Variants in HDAC2 observed in about 807,000 individuals in gnomAD.
HDAC2 encodes YY1-associated factor 1.
Under a neutral mutation model 68.5 loss-of-function variants are expected in HDAC2, and 5 were observed. The ratio of observed to expected loss-of-function variants is 0.07; its 90% confidence interval spans 0.04 to 0.15. The LOEUF (loss-of-function observed/expected upper bound fraction) is 0.15, where lower values mean the gene tolerates loss of function less well. HDAC2 is among the 10% of genes least tolerant of loss of function. The pLI, the probability that HDAC2 is intolerant of heterozygous loss-of-function variation, is 1.00. For missense variants in HDAC2, 291 were observed against 600.8 expected (o/e 0.48, Z 5.39); for synonymous variants, 182 against 191.3 (o/e 0.95, Z 0.40).
At position 113,971,030 on chromosome 6, in the gene HDAC2, G is replaced by A; in HGVS notation, c.-122C>T. 1 of 1,574,880 alleles carries A rather than the reference G, an allele frequency of 6.3e-7. No homozygotes were observed. The highest frequency in any genetic ancestry group is 1.2e-5 in the South Asian group (1 of 86,902). On this transcript the variant is annotated 5_prime_UTR_variant, in exon 1 of 14. Transcript: ENST00000519065. ...GGAAACGTGGGGGCGATAGTCCCGCGGGGAAGGGCAGGCCGGTGGGAGGAG... is the reference window on the plus strand; with the variant it reads ...GGAAACGTGGGGGCGATAGTCCCGCAGGGAAGGGCAGGCCGGTGGGAGGAG...
At chr6:113,961,579 T>C (rs1357493167) in intron 1 of HDAC2, among the ~76,000 whole-genome samples, 2 of 152,176 alleles carry the variant, frequency 1.3e-5, no homozygotes, top group African/African-American at 4.8e-5. Context: ...GAGGCTATGA[T>C]TGCAGAAAAT....
chr6:113,936,296 C>T lies in HDAC2; in HGVS notation c.*4762G>A, dbSNP rs1775995906. On this transcript the variant is annotated 3_prime_UTR_variant, in exon 14 of 14. Coordinates refer to ENST00000519065, the MANE Select transcript of HDAC2 (RefSeq NM_001527.4). ...AAAAAAATTTTAAATGCAGTATCTGCCATCTTGTGGTACAGTGAGGAAATG... is the reference window on the plus strand; with the variant it reads ...AAAAAAATTTTAAATGCAGTATCTGTCATCTTGTGGTACAGTGAGGAAATG... 6.6e-6 allele frequency: 1 copy of T among 152,072 alleles called. No individual in the cohort carries two copies. The highest frequency in any genetic ancestry group is 2.4e-5 in the African/African-American group (1 of 41,392). 9.4% of individuals were successfully genotyped at this position (152,072 alleles called of 1,614,324 possible).
At chr6:113,968,384 C>A (rs530709293) in intron 1 of HDAC2, 13 of 152,014 alleles carry the variant, frequency 8.6e-5, no homozygotes, top group African/African-American at 3.1e-4. Flanking sequence ...TCTCTTCTCA[C>A]AATAAAAAAA....
At chr6:113,964,790 G>A (rs1173859379) in intron 1 of HDAC2, among the ~76,000 whole-genome samples, 1 of 152,146 alleles carries the variant, frequency 6.6e-6, no homozygotes, top group East Asian at 1.9e-4. Context: ...AATATAAGAT[G>A]TTCAAAACAG....
At chr6:113,949,541 A>G (rs1267141779) in intron 6 of HDAC2, among the ~76,000 whole-genome samples, 1 of 136,394 alleles carries the variant, frequency 7.3e-6, no homozygotes, top group African/African-American at 2.7e-5. Context: ...AACACAAGTT[A>G]AAGGCAATGA....
intron 1 of HDAC2, among the ~76,000 whole-genome samples, chr6:113,969,449 G>A (rs565212719): frequency 6.6e-6 from 1 of 152,258 alleles, no homozygotes; most frequent in Non-Finnish European, 1.5e-5. Context: ...GGTGCTCTGG[G>A]GTCTTACTTC....
chr6:113,943,942 TAA>T (rs1776205556), intron 11 of HDAC2, among the ~76,000 whole-genome samples: 1 of 152,218 alleles, frequency 6.6e-6, no homozygotes, highest in South Asian at 2.1e-4. Flanking sequence ...ACCATCACAT[TAA>T]GTGTAATGAG....
At chr6:113,945,217 A>G in intron 10 of HDAC2, 145 bp downstream of exon 10, 2 of 422,850 alleles carry the variant, frequency 4.7e-6, no homozygotes, top group Admixed American at 4.3e-5. Flanking sequence ...AAAAAAGAAT[A>G]ATCAGTAACT....
In HDAC2 at chr6:113,940,994, GA is replaced by G; in HGVS notation, c.*63del. ...AAATGAAGCCAGAAGTCTTCAAAAA[GA>G]AAACATTTTCCTTTCAATATTTTCT... On this transcript the variant is annotated 3_prime_UTR_variant, in exon 14 of 14. Coordinates refer to ENST00000519065, the MANE Select transcript of HDAC2 (RefSeq NM_001527.4). 7.5e-7 allele frequency: 1 copy of G among 1,325,026 alleles called. No homozygotes were observed. Among genetic ancestry groups the G allele is most frequent in the East Asian group, 2.3e-5 (1 of 42,706 alleles). 82.1% of individuals were successfully genotyped at this position (1,325,026 alleles called of 1,614,324 possible).
intron 1 of HDAC2, 187 bp downstream of exon 1, chr6:113,970,670 C>T: frequency 7.4e-7 from 1 of 1,352,210 alleles, no homozygotes; most frequent in South Asian, 1.8e-5. Flanking sequence ...CCCGCAGGAA[C>T]CGCGGGGGCT....
intron 1 of HDAC2, among the ~76,000 whole-genome samples, chr6:113,963,573 C>G (rs903920991): frequency 6.6e-6 from 1 of 152,162 alleles, no homozygotes; most frequent in African/African-American, 2.4e-5. Context: ...CTGTTTTGAG[C>G]ACCAACTTAA....
rs1775945770 is a variant in HDAC2, at chr6:113,933,963, GGTCTCT to G, written c.*7089_*7094del. 1 of 151,482 alleles carries G rather than the reference GGTCTCT, an allele frequency of 6.6e-6. No individual in the cohort carries two copies. Among genetic ancestry groups the G allele is most frequent in the African/African-American group, 2.4e-5 (1 of 41,162 alleles). 9.4% of individuals were successfully genotyped at this position (151,482 alleles called of 1,614,324 possible). A position where few individuals can be genotyped will look rare whatever the true frequency, so the allele number is the denominator to read the frequency against. ...CTGAACGCTGATGCAGGGAAACTCT[GGTCTCT>G]GACTTTGATTTTTTTTTAATAGTAA... On this transcript the variant is annotated 3_prime_UTR_variant, in exon 14 of 14. Coordinates refer to ENST00000519065, the MANE Select transcript of HDAC2 (RefSeq NM_001527.4).
chr6:113,933,758 T>C lies in HDAC2; in HGVS notation c.*7300A>G, dbSNP rs920914735. 6.6e-6 allele frequency: 1 copy of C among 151,910 alleles called. No homozygotes were observed. The highest frequency in any genetic ancestry group is 1.5e-5 in the Non-Finnish European group (1 of 67,984). 9.4% of individuals were successfully genotyped at this position (151,910 alleles called of 1,614,324 possible). A position where few individuals can be genotyped will look rare whatever the true frequency, so the allele number is the denominator to read the frequency against. ...CCTTGTCTGACATTCTTTGTGTGTG[T>C]GTATGTATATTATATAATATACATA... On this transcript the variant is annotated 3_prime_UTR_variant, in exon 14 of 14. Coordinates refer to ENST00000519065, the MANE Select transcript of HDAC2 (RefSeq NM_001527.4).
At chr6:113,969,234 T>A (rs1423866522) in intron 1 of HDAC2, among the ~76,000 whole-genome samples, 1 of 152,232 alleles carries the variant, frequency 6.6e-6, no homozygotes, top group Non-Finnish European at 1.5e-5. Context: ...TCTAGTCCTC[T>A]GAAAAATCAT....
chr6:113,941,175 G>T, intron 13 of HDAC2, 87 bp from the exon 14 acceptor site: 1 of 927,860 alleles, frequency 1.1e-6, no homozygotes, highest in Non-Finnish European at 1.7e-6. Flanking sequence ...GGTCCTGTAG[G>T]CTCATGCTAA....
chr6:113,935,998 A>G lies in HDAC2; in HGVS notation c.*5060T>C, dbSNP rs992748453. 4.6e-5 allele frequency: 7 copies of G among 152,226 alleles called. No individual in the cohort carries two copies. The highest frequency in any genetic ancestry group is 1.7e-4 in the African/African-American group (7 of 41,462). 9.4% of individuals were successfully genotyped at this position (152,226 alleles called of 1,614,324 possible). On this transcript the variant is annotated 3_prime_UTR_variant, in exon 14 of 14. Coordinates refer to ENST00000519065, the MANE Select transcript of HDAC2 (RefSeq NM_001527.4). ...TGATTCTTACCACCAGTCAAAACAG[A>G]AAATTATTCTGGCTCTAATATTCAG...
At chr6:113,957,914 T>C (rs776015333) in intron 3 of HDAC2, among the ~76,000 whole-genome samples, 6 of 151,872 alleles carry the variant, frequency 4.0e-5, no homozygotes, top group Non-Finnish European at 5.9e-5. Context: ...AAAAAAAAAA[T>C]TAAATACTAC....
At position 113,946,229 on chromosome 6, in the gene HDAC2, G is replaced by A. The variant is rs560417487; in HGVS notation, c.842-81C>T. The A allele has an allele frequency of 1.3e-4, 147 of 1,154,754 alleles. 1 individual carries two copies. In the South Asian group the frequency reaches 2.3e-3, roughly 18 times the overall value. The allele number at this position is 1,154,754 out of a possible 1,614,324, so 71.5% of individuals were successfully genotyped here. ...AATAAATTTTAAAAAGATAATAAGT[G>A]CAAATGTTACTCAACCAAAATGGGT... On this transcript the variant is annotated intron_variant, in intron 8 of 13. Coordinates refer to ENST00000519065, the MANE Select transcript of HDAC2 (RefSeq NM_001527.4).
chr6:113,941,166 G>C, intron 13 of HDAC2, 78 bp from the exon 14 acceptor site: 1 of 1,021,364 alleles, frequency 9.8e-7, no homozygotes, highest in African/African-American at 1.6e-5. Flanking sequence ...TATTGATCAG[G>C]TCCTGTAGGC....
Sources: gnomAD v4.1 joint callset for allele counts (sites outside exome capture counted in the v4.1 genomes callset) on GRCh38, gnomAD v4.1.1 for gene constraint, MANE v1.5 for transcripts, NCBI Gene and HGNC (gene_info 2026-07-23, HGNC 2026-07-21) for gene names.